Variants in PRIM2 observed in about 807,000 individuals in gnomAD.
PRIM2 encodes the protein DNA primase large subunit.
Under a neutral mutation model 67.3 loss-of-function variants are expected in PRIM2, and 39 were observed. The observed-to-expected ratio is 0.58, with a 90% confidence interval of 0.45 to 0.76. The LOEUF (loss-of-function observed/expected upper bound fraction) is 0.76, where lower values mean the gene tolerates loss of function less well. PRIM2 is among the 30% of genes least tolerant of loss of function. PRIM2 has a pLI of 0.00. For synonymous variants in PRIM2, 143 were observed against 198.7 expected (o/e 0.72, Z 2.36); for missense variants, 398 against 598.7 (o/e 0.66, Z 3.50).
At chr6:57,584,333 C>T (rs1305426309) in intron 10 of PRIM2, among the ~76,000 whole-genome samples, 1 of 152,096 alleles carries the variant, frequency 6.6e-6, no homozygotes, top group Non-Finnish European at 1.5e-5. Flanking sequence ...TATGGCAGAG[C>T]CTTTGATACA....
chr6:57,526,174 T>A (rs1554349372), intron 8 of PRIM2, among the ~76,000 whole-genome samples: 49,144 of 151,618 alleles, frequency 0.32, 7,608 homozygotes, highest in East Asian at 0.44. Context: ...ATACACTATA[T>A]CCTTTTACAA....
chr6:57,475,799 A>G (rs1773464159), intron 7 of PRIM2, among the ~76,000 whole-genome samples: 1 of 152,306 alleles, frequency 6.6e-6, no homozygotes, highest in East Asian at 1.9e-4. Context: ...AACATGCAAA[A>G]CACTATGTTA....
intron 7 of PRIM2, among the ~76,000 whole-genome samples, chr6:57,498,874 C>G (rs1439125263): frequency 2.8e-4 from 43 of 152,282 alleles, no homozygotes; most frequent in African/African-American, 9.4e-4. Context: ...TATTTGCTTA[C>G]GTATTTACCT....
At chr6:57,232,568 A>C in the PRIM2 span, among the ~76,000 whole-genome samples, 2 of 152,186 alleles carry the variant, frequency 1.3e-5, no homozygotes, top group Non-Finnish European at 2.9e-5. Flanking sequence ...AAATAAAATT[A>C]AAATTTTACC....
chr6:57,365,050 C>T (rs7754605), intron 5 of PRIM2, among the ~76,000 whole-genome samples: 1 of 151,826 alleles, frequency 6.6e-6, no homozygotes, highest in Non-Finnish European at 1.5e-5. Flanking sequence ...TATTCTGAGC[C>T]TCAAGTCAAG....
chr6:57,257,800 C>A, the PRIM2 span, among the ~76,000 whole-genome samples: 1 of 152,124 alleles, frequency 6.6e-6, no homozygotes, highest in East Asian at 1.9e-4. Flanking sequence ...AATTAAGTGA[C>A]CAGTATATGT....
At chr6:57,308,586 A>C in the PRIM2 span, among the ~76,000 whole-genome samples, 1 of 152,190 alleles carries the variant, frequency 6.6e-6, no homozygotes, top group Non-Finnish European at 1.5e-5. Context: ...TATGTTTTCA[A>C]ATTTACCAGG....
At chr6:57,303,377 T>C in the PRIM2 span, among the ~76,000 whole-genome samples, 1 of 152,204 alleles carries the variant, frequency 6.6e-6, no homozygotes, top group Non-Finnish European at 1.5e-5. Context: ...AATGATTTTG[T>C]TTTTATCCAC....
At chr6:57,643,867 C>T (rs1777289538) in intron 13 of PRIM2, among the ~76,000 whole-genome samples, 1 of 152,118 alleles carries the variant, frequency 6.6e-6, no homozygotes, top group East Asian at 1.9e-4. Context: ...ATAAAATTAG[C>T]CTAACATGTA....
the PRIM2 span, among the ~76,000 whole-genome samples, chr6:57,296,703 A>G: frequency 6.6e-6 from 1 of 152,036 alleles, no homozygotes; most frequent in Non-Finnish European, 1.5e-5. Flanking sequence ...ATCTGTATGC[A>G]GAGAGGGCCT....
At chr6:57,457,882 GC>G (rs1359028685) in intron 7 of PRIM2, among the ~76,000 whole-genome samples, 9 of 152,176 alleles carry the variant, frequency 5.9e-5, no homozygotes. Flanking sequence ...CGTTGCTCAC[GC>G]TGGGAGCTAT....
chr6:57,306,848 T>C, the PRIM2 span, among the ~76,000 whole-genome samples: 1 of 152,184 alleles, frequency 6.6e-6, no homozygotes, highest in East Asian at 1.9e-4. Flanking sequence ...AAAAAACTTT[T>C]ATAAAAATGC....
At chr6:57,314,443 G>A (rs1035121756), upstream of PRIM2, among the ~76,000 whole-genome samples, 30 of 152,250 alleles carry the variant, frequency 2.0e-4, no homozygotes, top group African/African-American at 7.0e-4. Context: ...CTGAACCCAG[G>A]AGTTGGAGGT....
chr6:57,541,747 A>T (rs1159983969), intron 10 of PRIM2, among the ~76,000 whole-genome samples: 1 of 152,040 alleles, frequency 6.6e-6, no homozygotes, highest in Non-Finnish European at 1.5e-5. Context: ...GACAGAAGGA[A>T]ATTCCCTCTT....
intron 10 of PRIM2, among the ~76,000 whole-genome samples, chr6:57,588,702 G>T (rs1361584558): frequency 1.3e-5 from 2 of 152,014 alleles, no homozygotes; most frequent in Non-Finnish European, 1.5e-5. Context: ...CTTACATTGT[G>T]TATTTTCCAA....
intron 12 of PRIM2, among the ~76,000 whole-genome samples, chr6:57,609,649 T>C (rs1486171959): frequency 6.6e-6 from 1 of 152,206 alleles, no homozygotes; most frequent in Admixed American, 6.5e-5. Context: ...ATAAGTATAC[T>C]CCTTACTTAG....
intron 7 of PRIM2, among the ~76,000 whole-genome samples, chr6:57,454,716 T>C (rs1390504097): frequency 3.3e-5 from 5 of 152,322 alleles, no homozygotes; most frequent in African/African-American, 9.6e-5. Flanking sequence ...TCAATTTTGT[T>C]GATCTTTTCA....
chr6:57,596,054 G>T (rs1228822354), intron 10 of PRIM2, among the ~76,000 whole-genome samples: 1 of 151,972 alleles, frequency 6.6e-6, no homozygotes, highest in Non-Finnish European at 1.5e-5. Context: ...CAAGGGATTA[G>T]CAACTCTGTT....
intron 7 of PRIM2, among the ~76,000 whole-genome samples, chr6:57,474,205 A>AGACGGATTCTC (rs1299897440): frequency 1.7e-4 from 5 of 29,944 alleles, no homozygotes; most frequent in Non-Finnish European, 2.1e-4. Flanking sequence ...TTTTTTTTTG[A>AGACGGATTCTC]GCTCTGTCAC....
Sources: gnomAD v4.1 joint callset for allele counts (sites outside exome capture counted in the v4.1 genomes callset) on GRCh38, gnomAD v4.1.1 for gene constraint, MANE v1.5 for transcripts, NCBI Gene and HGNC (gene_info 2026-07-23, HGNC 2026-07-21) for gene names.